Variants in FRMPD4 observed in about 807,000 individuals in gnomAD.
FRMPD4 encodes FERM and PDZ domain containing 4, also known as FERM and PDZ domain-containing protein 4.
FRMPD4 carries 22 observed loss-of-function variants against 94.1 expected under a neutral mutation model. That is an observed-to-expected ratio of 0.23 (90% CI 0.17 to 0.33). The LOEUF is 0.33. FRMPD4 is among the 10% of genes least tolerant of loss of function. The pLI, the probability that FRMPD4 is intolerant of heterozygous loss-of-function variation, is 1.00. For missense variants in FRMPD4, 1,111 were observed against 1,339.9 expected, an observed-to-expected ratio of 0.83 and a Z score of 2.67; for synonymous variants, 631 against 548.6, an observed-to-expected ratio of 1.15 and a Z score of -2.10.
chrX:12,161,981 A>G (rs369325702), intron 1 of FRMPD4, among the ~76,000 whole-genome samples: 1 of 111,547 alleles, frequency 9.0e-6, no homozygotes, highest in African/African-American at 3.3e-5. Context: ...ATCCTATTAC[A>G]TATCGCTTTC....
At chrX:12,649,426 G>A (rs547099177) in intron 4 of FRMPD4, among the ~76,000 whole-genome samples, 16 of 111,124 alleles carry the variant, frequency 1.4e-4, no homozygotes, top group Middle Eastern at 9.2e-3. Context: ...TATGATTCAG[G>A]GCTGTGTATG....
intron 1 of FRMPD4, among the ~76,000 whole-genome samples, chrX:12,257,001 A>G (rs1452961034): frequency 8.9e-6 from 1 of 112,316 alleles, no homozygotes; most frequent in Admixed American, 9.4e-5. Context: ...ATTTTCCAGA[A>G]AAGATGTTCA....
At chrX:12,204,835 C>T (rs1318536129) in intron 1 of FRMPD4, among the ~76,000 whole-genome samples, 3 of 111,394 alleles carry the variant, frequency 2.7e-5, no homozygotes. Flanking sequence ...CTATTCTCCC[C>T]AGATCCCTCC....
chrX:12,321,705 C>G (rs1333129644), intron 1 of FRMPD4, among the ~76,000 whole-genome samples: 2 of 111,924 alleles, frequency 1.8e-5, no homozygotes, highest in Non-Finnish European at 3.8e-5. Flanking sequence ...TTATCATTAC[C>G]TGATCTCTGT....
At chrX:12,039,114 C>A (rs1342653266) in intron 3 of FRMPD4, among the ~76,000 whole-genome samples, 2 of 110,838 alleles carry the variant, frequency 1.8e-5, no homozygotes, top group African/African-American at 3.3e-5. Context: ...GCGATCCCCC[C>A]ACCTCAGCTT....
chrX:12,104,973 C>T (rs1342986327), intron 3 of FRMPD4, among the ~76,000 whole-genome samples: 1 of 111,563 alleles, frequency 9.0e-6, no homozygotes, highest in Non-Finnish European at 1.9e-5. Flanking sequence ...GTGGCCTTCT[C>T]TAGTGCAGGA....
intron 2 of FRMPD4, among the ~76,000 whole-genome samples, chrX:12,529,133 T>C (rs1195540968): frequency 8.9e-6 from 1 of 112,314 alleles, no homozygotes; most frequent in Non-Finnish European, 1.9e-5. Flanking sequence ...TGGAATCTCA[T>C]TTGAAAGTTA....
chrX:12,397,869 G>A (rs1490078394), intron 1 of FRMPD4, among the ~76,000 whole-genome samples: 1 of 111,555 alleles, frequency 9.0e-6, no homozygotes, highest in Non-Finnish European at 1.9e-5. Context: ...GAGGGCAAGG[G>A]ATTTTGTTTA....
At chrX:12,502,933 G>A (rs937680275) in intron 2 of FRMPD4, among the ~76,000 whole-genome samples, 6 of 112,030 alleles carry the variant, frequency 5.4e-5, no homozygotes, top group African/African-American at 1.9e-4. Flanking sequence ...CTCTCAAAGT[G>A]TTCTGGTTTG....
chrX:12,441,196 A>G (rs1453228822), intron 1 of FRMPD4, among the ~76,000 whole-genome samples: 1 of 112,084 alleles, frequency 8.9e-6, no homozygotes, highest in Non-Finnish European at 1.9e-5. Flanking sequence ...GGGAAACTAC[A>G]GAGCATAATT....
intron 3 of FRMPD4, among the ~76,000 whole-genome samples, chrX:12,060,723 A>G (rs1043809853): frequency 9.0e-6 from 1 of 111,066 alleles, no homozygotes; most frequent in African/African-American, 3.3e-5. Context: ...TTCATCTAAC[A>G]TCTCTTTTAA....
rs185767480 is a variant in FRMPD4, at chrX:12,522,899, A to G, written c.158+24103A>G. On this transcript the variant is annotated intron_variant, in intron 2 of 16. Coordinates refer to ENST00000675598, the MANE Select transcript of FRMPD4 (RefSeq NM_001368397.1). ...ATTCCAGGCGTGAGCCACCGCGCCC[A>G]GCTGGCAATTGATTGTCTAATGCCT... Among the ~76,000 whole-genome samples, 1,020 of 111,903 alleles carry G rather than the reference A, an allele frequency of 9.1e-3. 16 individuals are homozygous for G. The highest frequency in any genetic ancestry group is 0.031 in the African/African-American group (942 of 30,761).
chrX:12,063,326 A>T (rs1302455635), intron 3 of FRMPD4, among the ~76,000 whole-genome samples: 2 of 112,005 alleles, frequency 1.8e-5, no homozygotes, highest in East Asian at 5.6e-4. Flanking sequence ...CCATGATTGC[A>T]CCACTGCACT....
At chrX:12,314,786 T>G (rs1287815235) in intron 1 of FRMPD4, among the ~76,000 whole-genome samples, 1 of 111,488 alleles carries the variant, frequency 9.0e-6, no homozygotes, top group Non-Finnish European at 1.9e-5. Context: ...AGAGGACAGC[T>G]TGATGAAAGA....
At chrX:12,357,739 T>A (rs770490988) in intron 1 of FRMPD4, among the ~76,000 whole-genome samples, 12 of 112,403 alleles carry the variant, frequency 1.1e-4, no homozygotes, top group South Asian at 3.7e-4. Flanking sequence ...GGGGCTTTGC[T>A]CCTTGATTAT....
chrX:12,676,002 C>T lies in FRMPD4; in HGVS notation c.468+1094C>T, dbSNP rs1263016003. 2.7e-5 allele frequency among the ~76,000 whole-genome samples: 3 copies of T among 111,855 alleles called. No individual in the cohort carries two copies. The East Asian group carries it at 8.3e-4, about 31-fold the overall frequency. On this transcript the variant is annotated intron_variant, in intron 5 of 16. Coordinates refer to ENST00000675598, the MANE Select transcript of FRMPD4 (RefSeq NM_001368397.1). ...CCACAAATAGAACTAACCAAGACAA[C>T]AAATTATGCCATCTTACTATGCATA...
intron 1 of FRMPD4, among the ~76,000 whole-genome samples, chrX:12,272,749 T>C (rs912843980): frequency 9.0e-6 from 1 of 111,245 alleles, no homozygotes; most frequent in African/African-American, 3.3e-5. Context: ...TAAATATATA[T>C]AAAATTCTTG....
chrX:12,637,391 C>T (rs1290959211), intron 4 of FRMPD4, among the ~76,000 whole-genome samples: 3 of 112,212 alleles, frequency 2.7e-5, no homozygotes, highest in Non-Finnish European at 5.6e-5. Context: ...CACTGGAGGC[C>T]AGGTGTGGTG....
chrX:12,054,366 A>C (rs2054841746), intron 3 of FRMPD4, among the ~76,000 whole-genome samples: 1 of 110,345 alleles, frequency 9.1e-6, no homozygotes, highest in Admixed American at 9.7e-5. Flanking sequence ...GCAGATAGAT[A>C]CCTCCTATAG....
Sources: gnomAD v4.1 joint callset for allele counts (sites outside exome capture counted in the v4.1 genomes callset) on GRCh38, gnomAD v4.1.1 for gene constraint, MANE v1.5 for transcripts, NCBI Gene and HGNC (gene_info 2026-07-23, HGNC 2026-07-21) for gene names.